ZNF354A: variants seen among roughly 807,000 people sequenced by gnomAD.
ZNF354A encodes epididymis luminal protein 104.
Under a neutral mutation model 53.3 loss-of-function variants are expected in ZNF354A, and 25 were observed. The observed-to-expected ratio is 0.47, with a 90% CI of 0.34 to 0.66. The LOEUF (loss-of-function observed/expected upper bound fraction) is 0.66. Ranked by LOEUF, ZNF354A falls within the 30% of genes least tolerant of loss-of-function variation. The pLI is 0.01. For synonymous variants in ZNF354A, 228 were observed against 249.0 expected (o/e 0.92, Z 0.79); for missense variants, 586 against 716.8 (o/e 0.82, Z 2.08).
At chr5:178,730,013 G>A (rs962349295) in intron 1 of ZNF354A, among the ~76,000 whole-genome samples, 2 of 152,008 alleles carry the variant, frequency 1.3e-5, no homozygotes, top group Admixed American at 1.3e-4. Flanking sequence ...ACAGGCGCCC[G>A]CCACTACGCC....
At chr5:178,725,539 A>G (rs999484978) in intron 3 of ZNF354A, 68 bp from the exon 4 acceptor site, 13 of 1,499,706 alleles carry the variant, frequency 8.7e-6, no homozygotes, top group Admixed American at 3.5e-5. Flanking sequence ...AGTTATCCCA[A>G]ATTTAAATAC....
intron 4 of ZNF354A, among the ~76,000 whole-genome samples, chr5:178,718,946 T>TGC (rs1765761731): frequency 6.6e-6 from 1 of 152,232 alleles, no homozygotes; most frequent in African/African-American, 2.4e-5. Flanking sequence ...TTGCCCAGGC[T>TGC]GCACATTCTC....
At chr5:178,715,854 C>A (rs1037835448) in intron 4 of ZNF354A, among the ~76,000 whole-genome samples, 6 of 151,812 alleles carry the variant, frequency 4.0e-5, no homozygotes, top group Non-Finnish European at 7.4e-5. Context: ...CTAGTCTTGC[C>A]CTCTGCCAAT....
chr5:178,723,023 C>A (rs1310443968), intron 4 of ZNF354A, among the ~76,000 whole-genome samples: 1 of 152,216 alleles, frequency 6.6e-6, no homozygotes, highest in Admixed American at 6.5e-5. Flanking sequence ...CCATGACACA[C>A]TGCAGGGCGG....
chr5:178,729,881 T>TTTTTTTTTTTTTTTTTTTTTC, intron 1 of ZNF354A, among the ~76,000 whole-genome samples: 1 of 146,982 alleles, frequency 6.8e-6, no homozygotes. Flanking sequence ...TGTTTCTTTT[T>TTTTTTTTTTTTTTTTTTTTTC]TGAGACGGAG....
intron 4 of ZNF354A, among the ~76,000 whole-genome samples, chr5:178,723,824 A>C: frequency 2.8e-5 from 4 of 144,156 alleles, no homozygotes; most frequent in Admixed American, 6.9e-5. Context: ...TCAGTCCCCC[A>C]CTGCCACGAT....
chr5:178,720,512 G>A (rs912944283), intron 4 of ZNF354A, among the ~76,000 whole-genome samples: 2 of 152,210 alleles, frequency 1.3e-5, no homozygotes, highest in African/African-American at 2.4e-5. Flanking sequence ...AGATAGGACT[G>A]ATGCAGCTGC....
chr5:178,722,640 T>C (rs973950592), intron 4 of ZNF354A, among the ~76,000 whole-genome samples: 1 of 152,140 alleles, frequency 6.6e-6, no homozygotes, highest in East Asian at 1.9e-4. Flanking sequence ...ACTAACCTAG[T>C]CCAAGTCACT....
Position 178,713,733 on chromosome 5 carries a change from T to C in ZNF354A, c.257-112A>G, listed in dbSNP as rs1045382660. 1.4e-4 allele frequency: 190 copies of C among 1,319,380 alleles called. 1 individual carries two copies. In the African/African-American group the frequency reaches 2.5e-3, roughly 17 times the overall value. The allele number at this position is 1,319,380 out of a possible 1,614,324, so 81.7% of individuals were successfully genotyped here. ...TGGTGACATTTAAATAAGACCCTGA[T>C]ATCTGTATGAAAAAAATTGCAAAAA... is the stretch of plus-strand genomic sequence containing the variant. On this transcript the variant is annotated intron_variant, in intron 4 of 4. Transcript: ENST00000335815.
chr5:178,725,224 G>T, intron 4 of ZNF354A, 152 bp downstream of exon 4: 1 of 771,454 alleles, frequency 1.3e-6, no homozygotes, highest in East Asian at 2.5e-5. Context: ...TCATGGGGAA[G>T]TGAATCCTGC....
intron 4 of ZNF354A, among the ~76,000 whole-genome samples, chr5:178,721,846 G>A (rs1239506524): frequency 6.6e-6 from 1 of 152,102 alleles, no homozygotes; most frequent in Non-Finnish European, 1.5e-5. Context: ...CCACACTCAC[G>A]ATTCTTCCCT....
intron 4 of ZNF354A, among the ~76,000 whole-genome samples, chr5:178,716,479 G>A (rs560738845): frequency 6.6e-6 from 1 of 152,234 alleles, no homozygotes; most frequent in Admixed American, 6.5e-5. Flanking sequence ...CCATTCACAA[G>A]TACTCATTAA....
chr5:178,725,535 C>T (rs934282476), intron 3 of ZNF354A, 64 bp from the exon 4 acceptor site: 2 of 1,524,734 alleles, frequency 1.3e-6, no homozygotes, highest in Non-Finnish European at 1.8e-6. Context: ...ATACAGTTAT[C>T]CCAAATTTAA....
intron 4 of ZNF354A, among the ~76,000 whole-genome samples, chr5:178,717,812 G>A (rs1765741631): frequency 6.6e-6 from 1 of 152,144 alleles, no homozygotes; most frequent in Non-Finnish European, 1.5e-5. Context: ...AAGGGAAGAA[G>A]TACTTCAGGG....
At chr5:178,725,163 C>G (rs1765881130) in intron 4 of ZNF354A, among the ~76,000 whole-genome samples, 2 of 152,198 alleles carry the variant, frequency 1.3e-5, no homozygotes, top group African/African-American at 2.4e-5. Flanking sequence ...CATGAAAATA[C>G]AGCCCTATTC....
intron 4 of ZNF354A, among the ~76,000 whole-genome samples, chr5:178,722,923 G>A (rs759348811): frequency 6.6e-5 from 10 of 152,286 alleles, no homozygotes; most frequent in South Asian, 2.1e-4. Context: ...GGAAGTGAGC[G>A]AGCCACATGG....
intron 1 of ZNF354A, among the ~76,000 whole-genome samples, chr5:178,729,681 C>T (rs1217614670): frequency 1.3e-5 from 2 of 151,880 alleles, no homozygotes; most frequent in African/African-American, 4.8e-5. Context: ...GCCTCAGCCT[C>T]CCGAGTAGCT....
intron 4 of ZNF354A, among the ~76,000 whole-genome samples, chr5:178,721,754 A>G (rs1308845488): frequency 6.6e-6 from 1 of 152,146 alleles, no homozygotes; most frequent in Non-Finnish European, 1.5e-5. Context: ...TCTAAGCAAG[A>G]TATCTCCCAT....
chr5:178,726,764 T>C (rs1052106764), intron 3 of ZNF354A, among the ~76,000 whole-genome samples: 1 of 152,150 alleles, frequency 6.6e-6, no homozygotes, highest in African/African-American at 2.4e-5. Context: ...GAGTGTGTGA[T>C]TACATAGAGA....
Sources: allele counts gnomAD v4.1 joint callset (sites outside exome capture counted in the v4.1 genomes callset), GRCh38; gene constraint gnomAD v4.1.1; transcripts MANE v1.5; gene names NCBI Gene and HGNC (gene_info 2026-07-23, HGNC 2026-07-21).